KCNC4: variants seen among roughly 807,000 people sequenced by gnomAD.
KCNC4 encodes the protein potassium voltage-gated channel subfamily C member 4.
A neutral mutation model predicts 42.8 loss-of-function variants in KCNC4; 23 were observed. The observed-to-expected ratio is 0.54, with a 90% CI of 0.39 to 0.76. The LOEUF (loss-of-function observed/expected upper bound fraction) is 0.76. Among genes scored for constraint, KCNC4 ranks in the 30% least tolerant of loss-of-function variants. The probability of loss-of-function intolerance (pLI) is 0.00; values close to 1 mark genes in which losing one functional copy is unlikely to be tolerated. For missense variants in KCNC4, 751 were observed against 898.2 expected, an observed-to-expected ratio of 0.84 and a Z score of 2.10; for synonymous variants, 422 against 393.5, an observed-to-expected ratio of 1.07 and a Z score of -0.86.
exon 4 of KCNC4, chr1:110,243,864 A>C (rs1426786700): frequency 1.3e-5 from 2 of 152,292 alleles, no homozygotes; most frequent in Non-Finnish European, 2.9e-5. Context: ...ATGAGAAGAA[A>C]GGGGCAACAA....
Position 110,210,594 on chromosome 1 carries a change from G to A in KCNC4, c.-906G>A, listed in dbSNP as rs889068978. 6.6e-6 allele frequency among the ~76,000 whole-genome samples: 1 copy of A among 151,484 alleles called. No individual in the cohort carries two copies. Among genetic ancestry groups the A allele is most frequent in the Admixed American group, 6.6e-5 (1 of 15,206 alleles). ...AGGTGTCCTTGGCCGCTCGGCCGCC[G>A]CCCCCGGTACACCTTCGCCAGTGCC... On this transcript the variant is annotated 5_prime_UTR_variant, in exon 1 of 4. Transcript: ENST00000438661.
exon 4 of KCNC4, chr1:110,242,198 G>A (rs1282595596): frequency 6.6e-6 from 1 of 152,216 alleles, no homozygotes; most frequent in African/African-American, 2.4e-5. Flanking sequence ...AGCCATCTGG[G>A]CCTTTCTTTC....
At chr1:110,230,117 C>T (rs1658618543) in intron 3 of KCNC4, among the ~76,000 whole-genome samples, 2 of 152,196 alleles carry the variant, frequency 1.3e-5, no homozygotes, top group African/African-American at 4.8e-5. Context: ...CGGCACCTCC[C>T]TCAGTCTTGG....
intron 1 of KCNC4, among the ~76,000 whole-genome samples, chr1:110,217,610 C>T (rs149839343): frequency 6.7e-4 from 102 of 152,258 alleles, no homozygotes; most frequent in Non-Finnish European, 1.2e-3. Flanking sequence ...GGGACTCATC[C>T]GTTCTGGGCA....
At chr1:110,275,970 AAAG>A (rs1234873802) in intron 1 of KCNC4, among the ~76,000 whole-genome samples, 1 of 151,430 alleles carries the variant, frequency 6.6e-6, no homozygotes, top group East Asian at 1.9e-4. Context: ...AAAAAAAAAA[AAAG>A]AAGAATGAAA....
At chr1:110,213,865 GGAGAGA>G (rs1048681255) in intron 1 of KCNC4, among the ~76,000 whole-genome samples, 69 of 152,302 alleles carry the variant, frequency 4.5e-4, no homozygotes, top group African/African-American at 1.6e-3. Context: ...GGGTCGGGGA[GGAGAGA>G]TAGAGATAGA....
intron 1 of KCNC4, among the ~76,000 whole-genome samples, chr1:110,273,466 T>C (rs927512965): frequency 2.6e-5 from 4 of 152,204 alleles, no homozygotes; most frequent in Non-Finnish European, 5.9e-5. Flanking sequence ...ACAGGGACCC[T>C]GGGTTATCAT....
chr1:110,258,039 T>C (rs1361343656), intron 1 of KCNC4, among the ~76,000 whole-genome samples: 1 of 152,188 alleles, frequency 6.6e-6, no homozygotes, highest in Admixed American at 6.5e-5. Flanking sequence ...TAAGGGAGGT[T>C]AAGAAATGTT....
Position 110,211,728 on chromosome 1 carries a change from G to A in KCNC4, c.229G>A (p.Asp77Asn), listed in dbSNP as rs200808980. Residue 77 changes from aspartate to asparagine, a missense_variant, in exon 1 of 4, where the codon GAT becomes AAT. Around this residue, in one of 4 missense-constraint regions of KCNC4, gnomAD observed 183 missense variants for 255.8 expected, o/e 0.72. Coordinates refer to ENST00000438661, the MANE Select transcript of KCNC4 (RefSeq NM_001039574.3). The surrounding 1 kb of genome is among the most constrained non-coding windows in gnomAD (Gnocchi z 6.5). ...DPDGGGRPET[D>N]GGGVGSSGSS... ...CGACGGCGGGGGCCGGCCCGAGACCGATGGCGGCGGTGTGGGTAGCAGCGG... is the reference window on the plus strand; with the variant it reads ...CGACGGCGGGGGCCGGCCCGAGACCAATGGCGGCGGTGTGGGTAGCAGCGG... 6.2e-7 allele frequency: 1 copy of A among 1,608,564 alleles called. No homozygotes were observed. Among genetic ancestry groups the A allele is most frequent in the African/African-American group, 1.3e-5 (1 of 74,954 alleles).
intron 1 of KCNC4, among the ~76,000 whole-genome samples, chr1:110,262,124 A>G (rs1312367183): frequency 6.6e-6 from 1 of 152,236 alleles, no homozygotes; most frequent in Non-Finnish European, 1.5e-5. Flanking sequence ...GAATGAGGCC[A>G]TATGTTTTGA....
chr1:110,238,866 C>A (rs1249919241), downstream of KCNC4: 1 of 152,212 alleles, frequency 6.6e-6, no homozygotes, highest in Non-Finnish European at 1.5e-5. Context: ...ACAAGACCAA[C>A]AGGATCCCTG....
chr1:110,232,803 T>A, intron 3 of KCNC4, 108 bp from the exon 4 acceptor site: 1 of 1,546,424 alleles, frequency 6.5e-7, no homozygotes, highest in South Asian at 1.2e-5. Flanking sequence ...TCTCATTCTT[T>A]GTTTCTCCCT....
intron 1 of KCNC4, among the ~76,000 whole-genome samples, chr1:110,217,836 A>G (rs1247774448): frequency 6.6e-6 from 1 of 152,126 alleles, no homozygotes; most frequent in Non-Finnish European, 1.5e-5. Flanking sequence ...GGAGCCAGGG[A>G]TAGCTCAGAG....
At position 110,211,225 on chromosome 1, in the gene KCNC4, G is replaced by A. The variant is rs983342471; in HGVS notation, c.-275G>A. The A allele has an allele frequency of 5.5e-5, 27 of 491,604 alleles. No homozygotes were observed. Among genetic ancestry groups the A allele is most frequent in the Admixed American group, 4.7e-4 (13 of 27,810 alleles). 30.5% of individuals were successfully genotyped at this position (491,604 alleles called of 1,614,324 possible). A position where few individuals can be genotyped will look rare whatever the true frequency, so the allele number is the denominator to read the frequency against. Reference sequence around the variant, plus strand: ...CGTCGTAGCGGGGGACCGCGTGTGTGCTTGCTTCTACTTCCCCGGGTCCTC... The same window carrying A: ...CGTCGTAGCGGGGGACCGCGTGTGTACTTGCTTCTACTTCCCCGGGTCCTC... On this transcript the variant is annotated 5_prime_UTR_variant, in exon 1 of 4. Coordinates refer to ENST00000438661, the MANE Select transcript of KCNC4 (RefSeq NM_001039574.3). The surrounding 1 kb of genome is among the most constrained non-coding windows in gnomAD (Gnocchi z 6.5).
chr1:110,273,138 G>A (rs943029291), intron 1 of KCNC4, among the ~76,000 whole-genome samples: 2 of 152,194 alleles, frequency 1.3e-5, no homozygotes, highest in Admixed American at 1.3e-4. Context: ...GGACCCAGGA[G>A]CTGAAAGAGG....
intron 1 of KCNC4, among the ~76,000 whole-genome samples, chr1:110,271,590 G>A (rs1659635624): frequency 6.6e-6 from 1 of 152,192 alleles, no homozygotes; most frequent in African/African-American, 2.4e-5. Flanking sequence ...TGTAGCCTCT[G>A]ATTACAGGGG....
chr1:110,252,785 G>T (rs1174244763), downstream of KCNC4, among the ~76,000 whole-genome samples: 1 of 152,198 alleles, frequency 6.6e-6, no homozygotes, highest in African/African-American at 2.4e-5. Flanking sequence ...AGGTTAACTT[G>T]TCTGGTCAGG....
intron 1 of KCNC4, among the ~76,000 whole-genome samples, chr1:110,254,365 G>T (rs1181085765): frequency 6.6e-6 from 1 of 152,168 alleles, no homozygotes; most frequent in Non-Finnish European, 1.5e-5. Flanking sequence ...GGTCACTGTG[G>T]CATCTTCATG....
intron 2 of KCNC4, 133 bp downstream of exon 2, chr1:110,224,033 G>T: frequency 1.3e-6 from 1 of 752,680 alleles, no homozygotes; most frequent in Non-Finnish European, 2.2e-6. Context: ...GTGCCTTTAT[G>T]AGGGCAAAGT....
Sources: gnomAD v4.1 joint callset for allele counts (sites outside exome capture counted in the v4.1 genomes callset) on GRCh38, gnomAD v4.1.1 for gene constraint, gnomAD v4.1.1 regional missense constraint, Gnocchi (gnomAD v3.1) non-coding constraint, MANE v1.5 for transcripts, NCBI Gene and HGNC (gene_info 2026-07-23, HGNC 2026-07-21) for gene names.